The following WWOX variants were observed in gnomAD, a reference collection of about 807,000 sequenced individuals.
WWOX encodes the protein WW domain containing oxidoreductase.
WWOX carries 69 observed loss-of-function variants against 46.2 expected under a neutral mutation model. The ratio of observed to expected loss-of-function variants is 1.49; its 90% CI spans 1.23 to 1.82. The LOEUF (loss-of-function observed/expected upper bound fraction) is 1.82. WWOX is among the 40% of genes most tolerant of loss of function. The pLI, the probability that WWOX is intolerant of heterozygous loss-of-function variation, is 0.00. For missense variants in WWOX, 919 were observed against 542.6 expected (o/e 1.69, Z -6.89); for synonymous variants, 359 against 202.6 (o/e 1.77, Z -6.56).
chr16:78,238,138 G>A (rs893327595), intron 5 of WWOX: 12 of 152,134 alleles, frequency 7.9e-5, no homozygotes, highest in African/African-American at 2.9e-4. Flanking sequence ...GTTCCAGCTT[G>A]GAAATATCCA....
At chr16:79,004,285 C>T (rs1322014627) in intron 8 of WWOX, 4 of 152,144 alleles carry the variant, frequency 2.6e-5, no homozygotes, top group South Asian at 2.1e-4. Context: ...TTGGCAGTAC[C>T]GCATGGCGAG....
intron 8 of WWOX, among the ~76,000 whole-genome samples, chr16:78,875,705 C>T (rs1440771650): frequency 2.0e-5 from 3 of 152,182 alleles, no homozygotes; most frequent in African/African-American, 7.2e-5. Context: ...TTCTAAGCCA[C>T]AGTGGCAATT....
intron 8 of WWOX, among the ~76,000 whole-genome samples, chr16:78,445,929 T>TA (rs2083550763): frequency 1.3e-5 from 2 of 152,202 alleles, no homozygotes; most frequent in Admixed American, 1.3e-4. Context: ...CAGCTTTACT[T>TA]ACGTTTTTGA....
At chr16:79,176,991 T>C (rs889811613) in intron 8 of WWOX, among the ~76,000 whole-genome samples, 8 of 152,200 alleles carry the variant, frequency 5.3e-5, no homozygotes, top group Non-Finnish European at 1.0e-4. Context: ...AATAGATGTA[T>C]AATAAAATCT....
chr16:78,234,566 C>T (rs1425223832), intron 5 of WWOX, among the ~76,000 whole-genome samples: 6 of 152,112 alleles, frequency 3.9e-5, no homozygotes, highest in Non-Finnish European at 7.4e-5. Flanking sequence ...ATCTTTAGAA[C>T]CGAAGTATTT....
At chr16:78,150,675 G>A (rs1475421245) in intron 4 of WWOX, among the ~76,000 whole-genome samples, 1 of 152,112 alleles carries the variant, frequency 6.6e-6, no homozygotes, top group Non-Finnish European at 1.5e-5. Flanking sequence ...GAGCCACTGT[G>A]CCTCTCCATT....
chr16:78,787,299 C>G (rs1475729848), intron 8 of WWOX, among the ~76,000 whole-genome samples: 2 of 152,166 alleles, frequency 1.3e-5, no homozygotes, highest in African/African-American at 4.8e-5. Flanking sequence ...TAAAGAAACA[C>G]CATATCCATT....
chr16:78,514,074 T>A (rs2085430165), intron 8 of WWOX, among the ~76,000 whole-genome samples: 1 of 152,214 alleles, frequency 6.6e-6, no homozygotes, highest in Admixed American at 6.5e-5. Flanking sequence ...GTTAATAGAA[T>A]GACTCAAAAT....
intron 5 of WWOX, among the ~76,000 whole-genome samples, chr16:78,170,156 A>G (rs534462441): frequency 6.6e-6 from 1 of 152,268 alleles, no homozygotes; most frequent in African/African-American, 2.4e-5. Context: ...AGGCATTGCC[A>G]GATGTCTCTT....
chr16:79,079,328 T>C (rs560426449), intron 8 of WWOX, among the ~76,000 whole-genome samples: 41 of 152,304 alleles, frequency 2.7e-4, no homozygotes, highest in Admixed American at 1.6e-3. Flanking sequence ...TTGCCTCTCT[T>C]TTTTTCTTGG....
chr16:78,742,871 C>T (rs1247019639), intron 8 of WWOX, among the ~76,000 whole-genome samples: 2 of 152,156 alleles, frequency 1.3e-5, no homozygotes, highest in African/African-American at 4.8e-5. Context: ...CCGGGGGCTT[C>T]CCAGTGTAGG....
intron 5 of WWOX, among the ~76,000 whole-genome samples, chr16:78,165,748 A>G (rs957111759): frequency 6.6e-6 from 1 of 152,220 alleles, no homozygotes; most frequent in Admixed American, 6.5e-5. Context: ...ACTGAAAAGT[A>G]GTGAAAATAA....
chr16:78,128,775 C>T (rs146264680), intron 4 of WWOX, among the ~76,000 whole-genome samples: 1 of 151,324 alleles, frequency 6.6e-6, no homozygotes, highest in Non-Finnish European at 1.5e-5. Context: ...TTGTATCTTG[C>T]AATATAATGT....
chr16:79,012,263 C>T (rs187369424), intron 8 of WWOX, among the ~76,000 whole-genome samples: 24 of 152,100 alleles, frequency 1.6e-4, no homozygotes, highest in East Asian at 1.2e-3. Flanking sequence ...GATGGAGCCT[C>T]GCTCTGTCAC....
intron 8 of WWOX, among the ~76,000 whole-genome samples, chr16:78,956,333 T>G (rs375210261): frequency 6.6e-6 from 1 of 152,110 alleles, no homozygotes; most frequent in Non-Finnish European, 1.5e-5. Context: ...ATATATATTT[T>G]TAGTGAAGGC....
At chr16:78,608,437 A>G (rs1286612088) in intron 8 of WWOX, among the ~76,000 whole-genome samples, 1 of 152,234 alleles carries the variant, frequency 6.6e-6, no homozygotes, top group African/African-American at 2.4e-5. Flanking sequence ...CTCTTGCCCC[A>G]GGCAGAGTGG....
chr16:78,571,116 C>T (rs1177089091), intron 8 of WWOX, among the ~76,000 whole-genome samples: 2 of 152,110 alleles, frequency 1.3e-5, no homozygotes, highest in Admixed American at 6.5e-5. Context: ...ACTGTAGTTA[C>T]TTACAGTAGA....
rs568890210 is a variant in WWOX at position 78,884,287 on chromosome 16, A to C, written c.1057-327321A>C. ...GACCCTGTCTCCAAAAAAAAAAAAAAAAAAAACAAAAGACCATTTTTAAGA... is the reference window on the plus strand; with the variant it reads ...GACCCTGTCTCCAAAAAAAAAAAAACAAAAAACAAAAGACCATTTTTAAGA... On this transcript the variant is annotated intron_variant, in intron 8 of 8. Coordinates refer to ENST00000566780, the MANE Select transcript of WWOX (RefSeq NM_016373.4). Among the ~76,000 whole-genome samples the C allele has an allele frequency of 4.7e-5, 7 of 150,258 alleles. No individual in the cohort carries two copies. In the South Asian group the frequency reaches 6.4e-4, roughly 14 times the overall value.
chr16:78,722,567 C>T (rs1371203925), intron 8 of WWOX, among the ~76,000 whole-genome samples: 2 of 151,984 alleles, frequency 1.3e-5, no homozygotes, highest in African/African-American at 4.8e-5. Flanking sequence ...GTTTTTCTGC[C>T]CCTCCAGTAG....
Sources: gnomAD v4.1 joint callset for allele counts (sites outside exome capture counted in the v4.1 genomes callset) on GRCh38, gnomAD v4.1.1 for gene constraint, MANE v1.5 for transcripts, NCBI Gene and HGNC (gene_info 2026-07-23, HGNC 2026-07-21) for gene names.